STK4: variants seen among roughly 807,000 people sequenced by gnomAD.
The protein encoded by STK4 is serine/threonine kinase 4.
Under a neutral mutation model 64.9 loss-of-function variants are expected in STK4, and 30 were observed. The ratio of observed to expected loss-of-function variants is 0.46; its 90% CI spans 0.35 to 0.63. The LOEUF (loss-of-function observed/expected upper bound fraction) is 0.63, where lower values mean the gene tolerates loss of function less well. Ranked by LOEUF, STK4 falls within the 20% of genes least tolerant of loss-of-function variation. STK4 has a pLI of 0.01. For synonymous variants in STK4, 177 were observed against 199.0 expected (o/e 0.89, Z 0.93); for missense variants, 466 against 598.5 (o/e 0.78, Z 2.31).
At chr20:45,042,613 G>A (rs1265789058) in intron 10 of STK4, among the ~76,000 whole-genome samples, 2 of 152,094 alleles carry the variant, frequency 1.3e-5, no homozygotes, top group East Asian at 1.9e-4. Context: ...CCTACTCCAA[G>A]CACCAGTAAT....
chr20:45,021,025 G>A (rs1393632966), intron 9 of STK4, among the ~76,000 whole-genome samples: 1 of 151,930 alleles, frequency 6.6e-6, no homozygotes, highest in East Asian at 1.9e-4. Flanking sequence ...TTGCTATGTT[G>A]CCCAGGCTGG....
chr20:44,988,547 A>G (rs779721128), intron 5 of STK4, among the ~76,000 whole-genome samples: 14,043 of 126,480 alleles, frequency 0.11, 1,082 homozygotes, highest in Non-Finnish European at 0.16. Flanking sequence ...ATATATATAT[A>G]TATATATATA....
At position 44,996,822 on chromosome 20, in the gene STK4, A is replaced by G. The variant is rs528885636; in HGVS notation, c.694-347A>G. 2.7e-4 allele frequency among the ~76,000 whole-genome samples: 41 copies of G among 152,224 alleles called. 1 individual carries two copies. The highest frequency in any genetic ancestry group is 9.2e-4 in the African/African-American group (38 of 41,518). On this transcript the variant is annotated intron_variant, in intron 6 of 10. Transcript: ENST00000372806. ...TAAGAGGCAGGGAAACTTGACAACT[A>G]TGGGGTCAAGGTTATCTTTAGGATG...
intron 10 of STK4, among the ~76,000 whole-genome samples, chr20:45,034,610 T>C (rs1418623719): frequency 2.0e-5 from 3 of 151,730 alleles, no homozygotes; most frequent in African/African-American, 7.3e-5. Context: ...CACTGTGATA[T>C]TGGCATAAGA....
At chr20:45,060,412 G>A (rs180952555) in intron 10 of STK4, among the ~76,000 whole-genome samples, 2 of 152,222 alleles carry the variant, frequency 1.3e-5, no homozygotes, top group East Asian at 3.9e-4. Context: ...CCCTGATTTA[G>A]AATGACCCCC....
chr20:44,993,133 C>CTT (rs539299353), intron 5 of STK4, among the ~76,000 whole-genome samples: 5 of 145,588 alleles, frequency 3.4e-5, no homozygotes, highest in African/African-American at 1.0e-4. Flanking sequence ...ATTCCCAGTG[C>CTT]TTTTTTTTTT....
intron 1 of STK4, 108 bp from the exon 2 acceptor site, chr20:44,971,970 T>G: frequency 9.8e-7 from 1 of 1,022,800 alleles, no homozygotes; most frequent in South Asian, 1.5e-5. Flanking sequence ...ACTAGTGAAG[T>G]CTGTATAGAG....
At chr20:45,003,609 T>A (rs2067879897) in intron 9 of STK4, among the ~76,000 whole-genome samples, 1 of 152,078 alleles carries the variant, frequency 6.6e-6, no homozygotes, top group Non-Finnish European at 1.5e-5. Context: ...ATTAAAATTA[T>A]AAATGTTAAG....
At chr20:45,026,920 T>TAA (rs1176949244) in intron 10 of STK4, among the ~76,000 whole-genome samples, 1 of 152,164 alleles carries the variant, frequency 6.6e-6, no homozygotes, top group African/African-American at 2.4e-5. Context: ...ATAGTAGACT[T>TAA]ACGAAATTTG....
rs189189837 is a variant in STK4, at chr20:45,069,447, C to G, written c.1306-5571C>G. ...AAGTGTATTTCTTATAACAGAAGTT[C>G]TTTTTTGTTTGAATAAACAGTTTAA... On this transcript the variant is annotated intron_variant, in intron 10 of 10. Coordinates refer to ENST00000372806, the MANE Select transcript of STK4 (RefSeq NM_006282.5). 4.2e-3 allele frequency among the ~76,000 whole-genome samples: 645 copies of G among 152,210 alleles called. 2 individuals carry two copies. Among genetic ancestry groups the G allele is most frequent in the African/African-American group, 0.015 (626 of 41,532 alleles).
chr20:45,026,240 A>T (rs2068344126), intron 10 of STK4, among the ~76,000 whole-genome samples: 2 of 151,880 alleles, frequency 1.3e-5, no homozygotes, highest in South Asian at 4.1e-4. Flanking sequence ...AGGCGAAGGA[A>T]AATAAGTATT....
At chr20:45,025,659 T>C (rs1427431925) in intron 10 of STK4, among the ~76,000 whole-genome samples, 1 of 152,216 alleles carries the variant, frequency 6.6e-6, no homozygotes, top group East Asian at 1.9e-4. Flanking sequence ...TAGACACTTA[T>C]TAATGTTCAT....
chr20:45,059,634 G>A (rs1007565214), intron 10 of STK4, among the ~76,000 whole-genome samples: 1 of 152,176 alleles, frequency 6.6e-6, no homozygotes, highest in Non-Finnish European at 1.5e-5. Flanking sequence ...CTTAGGAATT[G>A]ATTATTTCTG....
intron 5 of STK4, among the ~76,000 whole-genome samples, chr20:44,990,521 G>C (rs1451855404): frequency 6.6e-6 from 1 of 151,938 alleles, no homozygotes; most frequent in African/African-American, 2.4e-5. Context: ...CTGTTTGGTT[G>C]TGAAACCTCC....
chr20:45,014,993 T>C (rs746077491), intron 9 of STK4, among the ~76,000 whole-genome samples: 1 of 152,258 alleles, frequency 6.6e-6, no homozygotes, highest in Non-Finnish European at 1.5e-5. Flanking sequence ...AACAGCCACA[T>C]TAATCTCTTT....
intron 9 of STK4, 41 bp downstream of exon 9, chr20:45,001,394 A>T (rs1212391346): frequency 6.4e-7 from 1 of 1,569,486 alleles, no homozygotes; most frequent in Non-Finnish European, 8.7e-7. Flanking sequence ...TAGACCAAGC[A>T]TACATATTTC....
chr20:45,051,983 A>C (rs2068783648), intron 10 of STK4, among the ~76,000 whole-genome samples: 4 of 152,212 alleles, frequency 2.6e-5, no homozygotes, highest in Admixed American at 2.6e-4. Context: ...CAGGTTGCGT[A>C]ATCCCAAATC....
At chr20:44,991,778 T>C (rs6073591) in intron 5 of STK4, among the ~76,000 whole-genome samples, 39,301 of 151,898 alleles carry the variant, frequency 0.26, 5,771 homozygotes, top group Middle Eastern at 0.43. Context: ...ACCCCCACTT[T>C]TGGCCTCTTG....
chr20:44,996,071 T>A (rs1351731740), intron 6 of STK4, among the ~76,000 whole-genome samples: 1 of 152,210 alleles, frequency 6.6e-6, no homozygotes, highest in Non-Finnish European at 1.5e-5. Context: ...TTTGAACTCA[T>A]GTCACTGAAA....
Sources: gnomAD v4.1 joint callset for allele counts (sites outside exome capture counted in the v4.1 genomes callset) on GRCh38, gnomAD v4.1.1 for gene constraint, MANE v1.5 for transcripts, NCBI Gene and HGNC (gene_info 2026-07-23, HGNC 2026-07-21) for gene names.